NRXN1: variants seen among roughly 807,000 people sequenced by gnomAD.
NRXN1 encodes the protein neurexin-1.
NRXN1 carries 39 observed loss-of-function variants against 150.9 expected under a neutral mutation model. The observed-to-expected ratio is 0.26, with a 90% CI of 0.20 to 0.34. The LOEUF (loss-of-function observed/expected upper bound fraction) is 0.34. Among genes scored for constraint, NRXN1 ranks in the 10% least tolerant of loss-of-function variants. The pLI, the probability that NRXN1 is intolerant of heterozygous loss-of-function variation, is 1.00. For missense variants in NRXN1, 1,815 were observed against 1,949.9 expected, an observed-to-expected ratio of 0.93 and a Z score of 1.30; for synonymous variants, 924 against 757.0, an observed-to-expected ratio of 1.22 and a Z score of -3.62.
intron 17 of NRXN1, among the ~76,000 whole-genome samples, chr2:50,427,568 G>T (rs184100163): frequency 3.0e-4 from 45 of 151,314 alleles, no homozygotes; most frequent in African/African-American, 1.0e-3. Flanking sequence ...GTGTGGTATT[G>T]GTGATGTGAC....
chr2:51,026,368 CACTT>C, intron 2 of NRXN1: 1 of 1,571,858 alleles, frequency 6.4e-7, no homozygotes, highest in Non-Finnish European at 8.7e-7. Context: ...ACCACTCACT[CACTT>C]TCTGTTAGAG....
intron 5 of NRXN1, among the ~76,000 whole-genome samples, chr2:50,698,000 C>T (rs1380100428): frequency 6.6e-6 from 1 of 152,238 alleles, no homozygotes; most frequent in East Asian, 1.9e-4. Context: ...ACCCCATCTA[C>T]ACTACAGTTC....
intron 22 of NRXN1, among the ~76,000 whole-genome samples, chr2:49,923,839 G>C (rs1668627063): frequency 6.6e-6 from 1 of 152,142 alleles, no homozygotes; most frequent in Non-Finnish European, 1.5e-5. Flanking sequence ...CTATGTTCTG[G>C]TGCTACAAAA....
chr2:50,930,036 A>C (rs990276121), intron 2 of NRXN1, among the ~76,000 whole-genome samples: 1 of 152,100 alleles, frequency 6.6e-6, no homozygotes, highest in Non-Finnish European at 1.5e-5. Flanking sequence ...AAGGAAAGAA[A>C]TGGTCCTGGA....
chr2:50,175,910 C>T (rs912105091), intron 18 of NRXN1, among the ~76,000 whole-genome samples: 5 of 152,056 alleles, frequency 3.3e-5, no homozygotes, highest in Non-Finnish European at 5.9e-5. Context: ...GAAGAGAAGC[C>T]ATCACCAGAA....
intron 8 of NRXN1, among the ~76,000 whole-genome samples, chr2:50,589,959 C>T (rs1213678443): frequency 6.6e-6 from 1 of 152,136 alleles, no homozygotes; most frequent in African/African-American, 2.4e-5. Flanking sequence ...TCCTTAATAC[C>T]TGGAATACAG....
chr2:50,472,592 G>A, intron 15 of NRXN1, 121 bp from the exon 16 acceptor site: 1 of 712,726 alleles, frequency 1.4e-6, no homozygotes, highest in Non-Finnish European at 2.2e-6. Flanking sequence ...ATTAATTTAT[G>A]ACTAGCTGTT....
At chr2:50,944,903 G>A (rs1432765865) in intron 2 of NRXN1, among the ~76,000 whole-genome samples, 1 of 152,194 alleles carries the variant, frequency 6.6e-6, no homozygotes, top group African/African-American at 2.4e-5. Flanking sequence ...ACAGATGAGT[G>A]TCATTTACAC....
intron 17 of NRXN1, among the ~76,000 whole-genome samples, chr2:50,340,851 C>T (rs1190952925): frequency 1.3e-5 from 2 of 152,122 alleles, no homozygotes; most frequent in African/African-American, 4.8e-5. Flanking sequence ...AAAAGAGGCA[C>T]ACACTGTAGC....
Position 50,424,149 on chromosome 2 carries a change from G to GGC in NRXN1, c.3364+41292_3364+41293insGC. On this transcript the variant is annotated intron_variant, in intron 17 of 22. Transcript: ENST00000401669. Reference sequence around the variant, plus strand: ...AGGCGGAGGAGGAGGAGGAGGGGGGGAGGAGGAAGGGGAGGAGGAGGAGGG... The same window carrying GGC: ...AGGCGGAGGAGGAGGAGGAGGGGGGGGCAGGAGGAAGGGGAGGAGGAGGAGGG... 3.6e-5 allele frequency among the ~76,000 whole-genome samples: 4 copies of GGC among 110,426 alleles called. No individual in the cohort carries two copies. The East Asian group carries it at 1.4e-3, about 40-fold the overall frequency. 72.4% of individuals were successfully genotyped at this position (110,426 alleles called of 152,430 possible).
rs536936424 is a variant in NRXN1, at chr2:50,758,340, T to C, written c.833-134725A>G. Reference sequence around the variant, plus strand: ...ACTCTCTCATGACCAAGATTAATGATTTGAAAGCCCAAATGCAGATGCTAA... The same window carrying C: ...ACTCTCTCATGACCAAGATTAATGACTTGAAAGCCCAAATGCAGATGCTAA... On this transcript the variant is annotated intron_variant, in intron 5 of 22. Coordinates refer to ENST00000401669, the MANE Select transcript of NRXN1 (RefSeq NM_001330078.2). Among the ~76,000 whole-genome samples the C allele has an allele frequency of 3.9e-5, 6 of 151,930 alleles. No homozygotes were observed. The East Asian group carries it at 9.8e-4, about 25-fold the overall frequency.
At chr2:50,566,957 TTAAC>T (rs1465463057) in intron 8 of NRXN1, among the ~76,000 whole-genome samples, 4 of 152,256 alleles carry the variant, frequency 2.6e-5, no homozygotes, top group African/African-American at 9.6e-5. Flanking sequence ...AAGTGCCTCA[TTAAC>T]TAGCTGTGGT....
chr2:50,376,027 AC>A (rs1288588509), intron 17 of NRXN1, among the ~76,000 whole-genome samples: 1 of 129,694 alleles, frequency 7.7e-6, no homozygotes, highest in Non-Finnish European at 1.6e-5. Flanking sequence ...GAACTCCTGC[AC>A]ATAAATACAT....
At chr2:50,817,157 G>A (rs1337295628) in intron 5 of NRXN1, among the ~76,000 whole-genome samples, 5 of 152,036 alleles carry the variant, frequency 3.3e-5, no homozygotes, top group African/African-American at 4.8e-5. Context: ...CTTAAAAGGA[G>A]ATACAACAGA....
intron 12 of NRXN1, among the ~76,000 whole-genome samples, chr2:50,508,657 T>A (rs1345425926): frequency 6.6e-6 from 1 of 152,116 alleles, no homozygotes; most frequent in Non-Finnish European, 1.5e-5. Flanking sequence ...AAAGGAAGCA[T>A]ACATAAGGGT....
rs1358737498 is a variant in NRXN1, at chr2:51,018,701, A to G, written c.772+8801T>C. 2.0e-5 allele frequency among the ~76,000 whole-genome samples: 3 copies of G among 152,174 alleles called. No individual in the cohort carries two copies. In the East Asian group the frequency reaches 5.8e-4, roughly 30 times the overall value. ...TTATGTGACTGAGCTAGTTCTTTATATTTGTGCTGACTCACCACAGAGGTT... is the reference window on the plus strand; with the variant it reads ...TTATGTGACTGAGCTAGTTCTTTATGTTTGTGCTGACTCACCACAGAGGTT... On this transcript the variant is annotated intron_variant, in intron 2 of 22. Coordinates refer to ENST00000401669, the MANE Select transcript of NRXN1 (RefSeq NM_001330078.2).
Position 50,921,899 on chromosome 2 carries a change from G to T in NRXN1, c.821-19C>A. The T allele has an allele frequency of 7.2e-7, 1 of 1,392,158 alleles. No individual in the cohort carries two copies. The highest frequency in any genetic ancestry group is 9.6e-7 in the Non-Finnish European group (1 of 1,042,242). The allele number at this position is 1,392,158 out of a possible 1,614,324, so 86.2% of individuals were successfully genotyped here. A position where few individuals can be genotyped will look rare whatever the true frequency, so the allele number is the denominator to read the frequency against. ...CTTTTACCTATGGATTTGATGAAAT[G>T]GGTCCATGAAGAAAGGGTTTCCAGA... On this transcript the variant is annotated intron_variant, in intron 4 of 22. Transcript: ENST00000401669.
intron 5 of NRXN1, among the ~76,000 whole-genome samples, chr2:50,844,856 A>C (rs1201017859): frequency 1.6e-5 from 2 of 121,890 alleles, no homozygotes; most frequent in Admixed American, 7.8e-5. Context: ...TCCTCAGCTA[A>C]TCATTTTTTT....
intron 12 of NRXN1, among the ~76,000 whole-genome samples, chr2:50,507,693 T>C (rs897526603): frequency 6.6e-6 from 1 of 151,910 alleles, no homozygotes; most frequent in Non-Finnish European, 1.5e-5. Flanking sequence ...CAGATATTTT[T>C]ATTTAAAAAA....
Sources: gnomAD v4.1 joint callset for allele counts (sites outside exome capture counted in the v4.1 genomes callset) on GRCh38, gnomAD v4.1.1 for gene constraint, MANE v1.5 for transcripts, NCBI Gene and HGNC (gene_info 2026-07-23, HGNC 2026-07-21) for gene names.